CDYL2: variants seen among roughly 807,000 people sequenced by gnomAD.
CDYL2 encodes the protein chromodomain Y like 2, also known as chromodomain Y-like protein 2.
CDYL2 carries 23 observed loss-of-function variants against 49.4 expected under a neutral mutation model. The ratio of observed to expected loss-of-function variants is 0.47; its 90% CI spans 0.34 to 0.66. The LOEUF (loss-of-function observed/expected upper bound fraction) is 0.66, where lower values mean the gene tolerates loss of function less well. Ranked by LOEUF, CDYL2 falls within the 30% of genes least tolerant of loss-of-function variation. CDYL2 has a pLI of 0.01. For synonymous variants in CDYL2, 360 were observed against 268.8 expected (o/e 1.34, Z -3.32); for missense variants, 678 against 656.4 (o/e 1.03, Z -0.36).
At chr16:80,738,952 G>T (rs1357560083) in intron 1 of CDYL2, among the ~76,000 whole-genome samples, 1 of 152,218 alleles carries the variant, frequency 6.6e-6, no homozygotes, top group Non-Finnish European at 1.5e-5. Context: ...ATTGTCTTCA[G>T]CTGTAAAAGA....
chr16:80,604,312 C>G lies in CDYL2; in HGVS notation c.*76G>C. ...AGAGACACCTTGACAAACTCCTTGG[C>G]CGGGGCAGACACTGTGCTCTGGTTT... On this transcript the variant is annotated 3_prime_UTR_variant, in exon 7 of 7. Transcript: ENST00000570137. 1 of 1,528,654 alleles carries G rather than the reference C, an allele frequency of 6.5e-7. No individual in the cohort carries two copies. Among genetic ancestry groups the G allele is most frequent in the Non-Finnish European group, 9.0e-7 (1 of 1,111,612 alleles). The allele number at this position is 1,528,654 out of a possible 1,614,324, so 94.7% of individuals were successfully genotyped here. A position where few individuals can be genotyped will look rare whatever the true frequency, so the allele number is the denominator to read the frequency against.
chr16:80,779,269 CA>C, intron 1 of CDYL2, among the ~76,000 whole-genome samples: 1 of 151,978 alleles, frequency 6.6e-6, no homozygotes, highest in East Asian at 1.9e-4. Context: ...ATGTATGTGA[CA>C]GACAAGAATT....
intron 3 of CDYL2, among the ~76,000 whole-genome samples, chr16:80,625,425 A>G (rs1907258397): frequency 6.6e-6 from 1 of 152,224 alleles, no homozygotes; most frequent in South Asian, 2.1e-4. Context: ...CCATCCAGGT[A>G]GTCTAGAATA....
At chr16:80,794,409 T>C (rs1907704967) in intron 1 of CDYL2, among the ~76,000 whole-genome samples, 1 of 152,194 alleles carries the variant, frequency 6.6e-6, no homozygotes, top group South Asian at 2.1e-4. Flanking sequence ...GTTGCTGAAA[T>C]AGTGCATTTA....
At chr16:80,734,911 T>C (rs1905463948) in intron 1 of CDYL2, among the ~76,000 whole-genome samples, 1 of 152,206 alleles carries the variant, frequency 6.6e-6, no homozygotes, top group African/African-American at 2.4e-5. Context: ...CCTCCCAGGC[T>C]ATGATGCTGT....
intron 1 of CDYL2, among the ~76,000 whole-genome samples, chr16:80,748,506 T>TAAAAA (rs538432449): frequency 3.1e-4 from 6 of 19,134 alleles, no homozygotes; most frequent in African/African-American, 4.7e-4. Flanking sequence ...AAAACTCCAT[T>TAAAAA]AAAAAAAAAA....
chr16:80,637,013 T>TGAGA lies in CDYL2; in HGVS notation c.617-3778_617-3777insTCTC, dbSNP rs1285284444. On this transcript the variant is annotated intron_variant, in intron 2 of 6. Coordinates refer to ENST00000570137, the MANE Select transcript of CDYL2 (RefSeq NM_152342.4). ...GTGAGAGTTGAACAATGAGAACACA[T>TGAGA]GGATACAGGGAGAGGAACATCACAC... Among the ~76,000 whole-genome samples, 52 of 152,092 alleles carry TGAGA rather than the reference T, an allele frequency of 3.4e-4. No individual in the cohort carries two copies. In the South Asian group the frequency reaches 6.0e-3, roughly 18 times the overall value.
rs982972033 is a variant in CDYL2 at position 80,719,014 on chromosome 16, G to A, written c.25-33885C>T. On this transcript the variant is annotated intron_variant, in intron 1 of 6. Transcript: ENST00000570137. ...CTAGGGCATGAATACTGGGCTTGAC[G>A]ACTTAACGCTCCCAGAGAATTGGGC... is the stretch of plus-strand genomic sequence containing the variant. 3.3e-5 allele frequency among the ~76,000 whole-genome samples: 5 copies of A among 152,276 alleles called. No individual in the cohort carries two copies. In the East Asian group the frequency reaches 5.8e-4, roughly 18 times the overall value.
intron 1 of CDYL2, among the ~76,000 whole-genome samples, chr16:80,723,710 C>T (rs867656418): frequency 1.3e-5 from 2 of 152,308 alleles, no homozygotes; most frequent in East Asian, 1.9e-4. Flanking sequence ...CGTTTACATA[C>T]TTCTATAGCT....
At chr16:80,713,800 T>C (rs1407582970) in intron 1 of CDYL2, among the ~76,000 whole-genome samples, 1 of 152,084 alleles carries the variant, frequency 6.6e-6, no homozygotes, top group Non-Finnish European at 1.5e-5. Flanking sequence ...TCTGCTCTCC[T>C]GGGATGCCCA....
At chr16:80,625,158 C>T (rs959145410) in intron 3 of CDYL2, among the ~76,000 whole-genome samples, 10 of 152,216 alleles carry the variant, frequency 6.6e-5, no homozygotes, top group African/African-American at 2.4e-4. Context: ...GGTCAGATGT[C>T]TGATGCAGGT....
intron 3 of CDYL2, chr16:80,632,693 C>T (rs1413912883): frequency 3.3e-6 from 1 of 306,482 alleles, no homozygotes. Context: ...CTGATGACAA[C>T]AAAGTTTAGC....
At chr16:80,669,703 C>T (rs1256331807) in intron 2 of CDYL2, among the ~76,000 whole-genome samples, 1 of 152,146 alleles carries the variant, frequency 6.6e-6, no homozygotes, top group Non-Finnish European at 1.5e-5. Flanking sequence ...GGCAGGTGCC[C>T]CCACTGAAAG....
chr16:80,703,831 T>C (rs1904321737), intron 1 of CDYL2, among the ~76,000 whole-genome samples: 1 of 152,122 alleles, frequency 6.6e-6, no homozygotes, highest in Non-Finnish European at 1.5e-5. Flanking sequence ...TGCCTGAGCT[T>C]GGATGACAAG....
chr16:80,632,746 C>A lies in CDYL2; in HGVS notation c.834+273G>T. ...TGATGTTTGGATTCTGGGTCTGCCC[C>A]TTGGCTAAGTCTGTGTCCACGATCA... is the stretch of plus-strand genomic sequence containing the variant. On this transcript the variant is annotated intron_variant, in intron 3 of 6. Transcript: ENST00000570137. 7.4e-6 allele frequency: 3 copies of A among 404,936 alleles called. 1 individual carries two copies. The South Asian group carries it at 1.0e-4, about 14-fold the overall frequency. The allele number at this position is 404,936 out of a possible 1,614,324, so 25.1% of individuals were successfully genotyped here. A position where few individuals can be genotyped will look rare whatever the true frequency, so the allele number is the denominator to read the frequency against.
chr16:80,701,567 T>C (rs1286976714), intron 1 of CDYL2, among the ~76,000 whole-genome samples: 1 of 152,188 alleles, frequency 6.6e-6, no homozygotes, highest in Non-Finnish European at 1.5e-5. Flanking sequence ...AAACACCGAA[T>C]TGCAAACGTT....
chr16:80,738,105 G>C (rs1171861601), intron 1 of CDYL2, among the ~76,000 whole-genome samples: 1 of 151,814 alleles, frequency 6.6e-6, no homozygotes, highest in African/African-American at 2.4e-5. Context: ...CTATGAGTGA[G>C]AACATGCAGT....
At position 80,804,532 on chromosome 16, in the gene CDYL2, G is replaced by T. The variant is rs1908040487; in HGVS notation, c.-359C>A. 7.0e-6 allele frequency among the ~76,000 whole-genome samples: 1 copy of T among 143,826 alleles called. No homozygotes were observed. Among genetic ancestry groups the T allele is most frequent in the Non-Finnish European group, 1.5e-5 (1 of 64,946 alleles). The allele number at this position is 143,826 out of a possible 152,430, so 94.4% of individuals were successfully genotyped here. On this transcript the variant is annotated 5_prime_UTR_variant, in exon 1 of 7. Coordinates refer to ENST00000570137, the MANE Select transcript of CDYL2 (RefSeq NM_152342.4). Reference sequence around the variant, plus strand: ...GCGGCGGTGGCTGCAGCCGGCAACGGCTCGCCCCGGCGCCGCCTGCAGGAA... The same window carrying T: ...GCGGCGGTGGCTGCAGCCGGCAACGTCTCGCCCCGGCGCCGCCTGCAGGAA...
intron 2 of CDYL2, among the ~76,000 whole-genome samples, chr16:80,670,644 G>A (rs933635642): frequency 9.2e-5 from 14 of 152,114 alleles, no homozygotes; most frequent in East Asian, 1.9e-4. Flanking sequence ...AGAGAACCCC[G>A]GGGCTCCGTG....
Sources: gnomAD v4.1 joint callset for allele counts (sites outside exome capture counted in the v4.1 genomes callset) on GRCh38, gnomAD v4.1.1 for gene constraint, MANE v1.5 for transcripts, NCBI Gene and HGNC (gene_info 2026-07-23, HGNC 2026-07-21) for gene names.